Variants in CPN1 observed in about 807,000 individuals in gnomAD.
The protein encoded by CPN1 is carboxypeptidase N catalytic chain.
A neutral mutation model predicts 46.4 loss-of-function variants in CPN1; 37 were observed. The observed-to-expected ratio is 0.80, with a 90% confidence interval of 0.61 to 1.05. The LOEUF (loss-of-function observed/expected upper bound fraction) is 1.05. Ranked by LOEUF, CPN1 falls within the 50% of genes least tolerant of loss-of-function variation. The pLI is 0.00. For missense variants in CPN1, 563 were observed against 602.6 expected (o/e 0.93, Z 0.69); for synonymous variants, 224 against 235.4 (o/e 0.95, Z 0.44).
chr10:100,069,305 A>T (rs144950460), intron 3 of CPN1, among the ~76,000 whole-genome samples: 3,078 of 152,168 alleles, frequency 0.02, 44 homozygotes, highest in Non-Finnish European at 0.033. Context: ...AAACGGTGAA[A>T]CCCCGTCTCT....
intron 3 of CPN1, among the ~76,000 whole-genome samples, chr10:100,068,756 C>G (rs1394841007): frequency 2.6e-5 from 4 of 152,106 alleles, no homozygotes; most frequent in Non-Finnish European, 5.9e-5. Context: ...CCAGGCTAGT[C>G]TCAAACTCCT....
At position 100,081,515 on chromosome 10, in the gene CPN1, C is replaced by G. The variant is rs771355307; in HGVS notation, c.111G>C (p.Lys37Asn). 1.9e-6 allele frequency: 3 copies of G among 1,614,046 alleles called. No homozygotes were observed. Among genetic ancestry groups the G allele is most frequent in the African/African-American group, 2.7e-5 (2 of 74,918 alleles). ...TGATGCCGGGGCATTCGTTTTGCACCTTGTACAGCGTCCGCACAAGATCAT... is the reference window on the plus strand; with the variant it reads ...TGATGCCGGGGCATTCGTTTTGCACGTTGTACAGCGTCCGCACAAGATCAT... Reference protein sequence around the residue: ...RYDDLVRTLYKVQNECPGITR... With the variant: ...RYDDLVRTLYNVQNECPGITR... The change falls in exon 1 of 9, where the codon AAG (lysine) becomes AAC (asparagine). Residue 37 changes from lysine (K) to asparagine (N), a missense_variant. Physicochemically the swap from Lys to Asn is moderately conservative, Grantham distance 94 (BLOSUM62 0). Coordinates refer to ENST00000370418, the MANE Select transcript of CPN1 (RefSeq NM_001308.3).
At chr10:100,046,285 T>C (rs1369824879) in intron 8 of CPN1, among the ~76,000 whole-genome samples, 1 of 152,156 alleles carries the variant, frequency 6.6e-6, no homozygotes, top group Non-Finnish European at 1.5e-5. Context: ...AAACTGGTCT[T>C]AAAGAAACCA....
At chr10:100,077,905 A>AC (rs1239024836) in intron 1 of CPN1, among the ~76,000 whole-genome samples, 3 of 152,328 alleles carry the variant, frequency 2.0e-5, no homozygotes, top group Admixed American at 6.5e-5. Flanking sequence ...ATTTAAAAAA[A>AC]AACAACAACA....
chr10:100,063,282 G>A (rs539478363), intron 5 of CPN1, among the ~76,000 whole-genome samples: 6 of 151,898 alleles, frequency 4.0e-5, no homozygotes, highest in African/African-American at 9.7e-5. Context: ...CACCACACCC[G>A]GCTAATTTTT....
rs1427771255 is a variant in CPN1 at position 100,063,667 on chromosome 10, T to A, written c.818A>T (p.Asp273Val). The change falls in exon 5 of 9, where the codon GAT (aspartate) becomes GTT (valine). Residue 273 changes from aspartate to valine, a missense_variant. Coordinates refer to ENST00000370418, the MANE Select transcript of CPN1 (RefSeq NM_001308.3). ...ATTGGTGATGCCATCTGGGAAGTAA[T>A]CTCCGCAGTTCCAACCTTGGAACAT... Reference protein sequence around the residue: ...GWMFQGWNCGDYFPDGITNGA... With the variant: ...GWMFQGWNCGVYFPDGITNGA... 1.2e-6 allele frequency: 2 copies of A among 1,613,906 alleles called. No individual in the cohort carries two copies. The highest frequency in any genetic ancestry group is 1.7e-6 in the Non-Finnish European group (2 of 1,180,014).
chr10:100,065,403 C>G (rs3829161), intron 3 of CPN1, 33 bp from the exon 4 acceptor site: 731,518 of 1,611,682 alleles, frequency 0.45, 169,880 homozygotes, highest in African/African-American at 0.48. Context: ...CGGTGAAGGG[C>G]CAACTGGGGC....
chr10:100,051,960 A>G (rs1317862789), intron 7 of CPN1, among the ~76,000 whole-genome samples: 2 of 147,994 alleles, frequency 1.4e-5, no homozygotes, highest in East Asian at 2.1e-4. Context: ...GAGTGCAGTG[A>G]CGTGATTTCG....
At position 100,070,275 on chromosome 10, in the gene CPN1, A is replaced by C. The variant is rs539614998; in HGVS notation, c.421-406T>G. 5.3e-5 allele frequency among the ~76,000 whole-genome samples: 8 copies of C among 151,864 alleles called. No homozygotes were observed. The East Asian group carries it at 1.6e-3, about 30-fold the overall frequency. On this transcript the variant is annotated intron_variant, in intron 2 of 8. Coordinates refer to ENST00000370418, the MANE Select transcript of CPN1 (RefSeq NM_001308.3). ...GGCAGGTGGATCACTTGAGGTCAGA[A>C]GTTCAAGATCAGCCTGGCCAAAATG...
rs1589467716 is a variant in CPN1 at position 100,042,228 on chromosome 10, C to T, written c.*199G>A. ...TGTGAGCCACCACACCCGGCCACCA[C>T]ATCACCTTTCAATAGATCCTAATTT... On this transcript the variant is annotated 3_prime_UTR_variant, in exon 9 of 9. Transcript: ENST00000370418. The T allele has an allele frequency of 7.4e-6, 5 of 676,612 alleles. No homozygotes were observed. The highest frequency in any genetic ancestry group is 1.2e-5 in the Non-Finnish European group (5 of 404,096). The allele number at this position is 676,612 out of a possible 1,614,324, so 41.9% of individuals were successfully genotyped here.
chr10:100,044,837 A>G (rs1436073776), intron 8 of CPN1, among the ~76,000 whole-genome samples: 2 of 151,902 alleles, frequency 1.3e-5, no homozygotes, highest in Non-Finnish European at 2.9e-5. Context: ...CAGCCTCCCA[A>G]GGAGCTGGGA....
intron 1 of CPN1, among the ~76,000 whole-genome samples, chr10:100,076,676 A>G (rs2041517027): frequency 6.6e-6 from 1 of 152,360 alleles, no homozygotes; most frequent in African/African-American, 2.4e-5. Flanking sequence ...GAACAAGAAC[A>G]CAGCAGGTGA....
At chr10:100,057,175 A>G in intron 5 of CPN1, 23 bp from the exon 6 acceptor site, 1 of 1,612,898 alleles carries the variant, frequency 6.2e-7, no homozygotes, top group Non-Finnish European at 8.5e-7. Context: ...GGGCAGCAGC[A>G]GATTTCCATA....
chr10:100,063,594 G>C lies in CPN1; in HGVS notation c.871+20C>G, dbSNP rs2041434064. The stretch of plus-strand genomic sequence containing the variant: ...GCACTATTCCACTTCAGCTTGAGCA[G>C]TTCCCAGGACTCCCCTTACCCTTGC... On this transcript the variant is annotated intron_variant, in intron 5 of 8. Transcript: ENST00000370418. The C allele has an allele frequency of 1.3e-6, 2 of 1,548,872 alleles. No individual in the cohort carries two copies. Among genetic ancestry groups the C allele is most frequent in the African/African-American group, 2.7e-5 (2 of 73,790 alleles).
intron 2 of CPN1, among the ~76,000 whole-genome samples, chr10:100,074,654 T>G (rs1277958741): frequency 6.6e-6 from 1 of 152,002 alleles, no homozygotes; most frequent in Non-Finnish European, 1.5e-5. Context: ...CGACCTCAGG[T>G]GATCCACCCA....
chr10:100,059,247 T>C (rs1475107031), intron 5 of CPN1, among the ~76,000 whole-genome samples: 1 of 152,058 alleles, frequency 6.6e-6, no homozygotes. Context: ...TAGGACAGAA[T>C]AGGTGACGAC....
At chr10:100,046,713 C>T (rs1196953454) in intron 8 of CPN1, among the ~76,000 whole-genome samples, 1 of 147,308 alleles carries the variant, frequency 6.8e-6, no homozygotes, top group Non-Finnish European at 1.5e-5. Context: ...GCGGAGGTTG[C>T]AGTGAGCCGA....
Position 100,069,747 on chromosome 10 carries a change from G to A in CPN1, c.543C>T (p.His181=). ...YYNEKYGGPN[H]HLPLPDNWKS... ...TCCAGTTGTCTGGAAGGGGCAGGTG[G>A]TGGTTGGGGCCTCCGTACTTCTCGT... is the stretch of plus-strand genomic sequence containing the variant. The change falls in exon 3 of 9, where the codon CAC becomes CAT. Residue 181 remains histidine, a synonymous_variant. Transcript: ENST00000370418. The A allele has an allele frequency of 6.2e-7, 1 of 1,613,862 alleles. No individual in the cohort carries two copies.
At chr10:100,053,930 A>G (rs957842090) in intron 7 of CPN1, among the ~76,000 whole-genome samples, 8 of 151,978 alleles carry the variant, frequency 5.3e-5, no homozygotes, top group African/African-American at 1.9e-4. Context: ...GGAAATGCCA[A>G]GTCAGCGACA....
Sources: allele counts gnomAD v4.1 joint callset (sites outside exome capture counted in the v4.1 genomes callset), GRCh38; gene constraint gnomAD v4.1.1; transcripts MANE v1.5; gene names NCBI Gene and HGNC (gene_info 2026-07-23, HGNC 2026-07-21).